KLF12: variants seen among roughly 807,000 people sequenced by gnomAD.
KLF12 encodes the protein Krueppel-like factor 12.
KLF12 carries 9 observed loss-of-function variants against 37.8 expected under a neutral mutation model. That is an observed-to-expected ratio of 0.24 (90% CI 0.14 to 0.42). The LOEUF (loss-of-function observed/expected upper bound fraction) is 0.42. Ranked by LOEUF, KLF12 falls within the 10% of genes least tolerant of loss-of-function variation. The pLI is 1.00. For synonymous variants in KLF12, 208 were observed against 202.1 expected (o/e 1.03, Z -0.25); for missense variants, 411 against 516.0 (o/e 0.80, Z 1.97).
At chr13:73,828,014 T>C (rs191484803) in intron 4 of KLF12, among the ~76,000 whole-genome samples, 2 of 152,224 alleles carry the variant, frequency 1.3e-5, no homozygotes, top group African/African-American at 4.8e-5. Context: ...ATGAGTCTTA[T>C]CAGCATAAGA....
chr13:74,302,967 T>A, the KLF12 span, among the ~76,000 whole-genome samples: 10 of 152,104 alleles, frequency 6.6e-5, no homozygotes, highest in Non-Finnish European at 1.0e-4. Flanking sequence ...CTCATTTTTT[T>A]AAACTCATTT....
chr13:73,866,238 G>C (rs1886170434), intron 3 of KLF12, among the ~76,000 whole-genome samples: 1 of 152,140 alleles, frequency 6.6e-6, no homozygotes, highest in African/African-American at 2.4e-5. Flanking sequence ...CTGGGCGACA[G>C]AGCAAGACTG....
chr13:74,208,599 T>G, the KLF12 span, among the ~76,000 whole-genome samples: 1 of 152,136 alleles, frequency 6.6e-6, no homozygotes. Context: ...TATTTTCCTA[T>G]CAAAATCAGT....
chr13:74,121,623 T>C (rs1877640276), intron 1 of KLF12, among the ~76,000 whole-genome samples: 1 of 152,026 alleles, frequency 6.6e-6, no homozygotes, highest in Non-Finnish European at 1.5e-5. Flanking sequence ...ATATAATGCA[T>C]TGCAAATAAC....
intron 1 of KLF12, among the ~76,000 whole-genome samples, chr13:74,124,838 A>G (rs1944618154): frequency 6.6e-6 from 1 of 152,196 alleles, no homozygotes; most frequent in African/African-American, 2.4e-5. Flanking sequence ...TTCATCCATT[A>G]GCAGGTTTGC....
chr13:73,814,550 G>A (rs1434399406), intron 4 of KLF12, among the ~76,000 whole-genome samples: 2 of 152,114 alleles, frequency 1.3e-5, no homozygotes, highest in Non-Finnish European at 2.9e-5. Context: ...AGTGAACCTC[G>A]TGTGCACCCG....
At chr13:73,881,668 T>C (rs1249180424) in intron 3 of KLF12, among the ~76,000 whole-genome samples, 1 of 152,210 alleles carries the variant, frequency 6.6e-6, no homozygotes, top group Non-Finnish European at 1.5e-5. Context: ...TGATTTTTTT[T>C]TCCTAAATAA....
chr13:73,815,961 C>A (rs1883193182), intron 4 of KLF12, among the ~76,000 whole-genome samples: 1 of 152,088 alleles, frequency 6.6e-6, no homozygotes. Flanking sequence ...AATATGATAT[C>A]TTTTTGATGT....
At chr13:74,020,038 C>G (rs913529487) in intron 1 of KLF12, among the ~76,000 whole-genome samples, 1 of 152,208 alleles carries the variant, frequency 6.6e-6, no homozygotes, top group Non-Finnish European at 1.5e-5. Flanking sequence ...AGAAGAAAAA[C>G]CCAGTCTGCC....
chr13:74,091,977 C>G (rs999175391), intron 1 of KLF12, among the ~76,000 whole-genome samples: 4 of 147,330 alleles, frequency 2.7e-5, no homozygotes, highest in African/African-American at 9.8e-5. Flanking sequence ...TAAAACTGCT[C>G]TAAAACAAAG....
At chr13:74,299,254 G>T in the KLF12 span, among the ~76,000 whole-genome samples, 7 of 152,174 alleles carry the variant, frequency 4.6e-5, no homozygotes, top group Admixed American at 2.0e-4. Flanking sequence ...AGTACAGAAA[G>T]AAATGCAGAC....
chr13:73,743,399 T>C (rs1878140415), intron 6 of KLF12, among the ~76,000 whole-genome samples: 1 of 152,236 alleles, frequency 6.6e-6, no homozygotes, highest in African/African-American at 2.4e-5. Flanking sequence ...TCTTCTTGTA[T>C]AGAGAGTCTA....
At chr13:73,875,386 C>T (rs1288427034) in intron 3 of KLF12, among the ~76,000 whole-genome samples, 1 of 152,100 alleles carries the variant, frequency 6.6e-6, no homozygotes, top group Non-Finnish European at 1.5e-5. Context: ...TCATGGGTAA[C>T]TTAGAAAAAT....
At chr13:74,039,737 A>G (rs574042541) in intron 1 of KLF12, among the ~76,000 whole-genome samples, 1 of 152,378 alleles carries the variant, frequency 6.6e-6, no homozygotes, top group South Asian at 2.1e-4. Flanking sequence ...TACAATTAGG[A>G]TAAAGATAGA....
intron 1 of KLF12, among the ~76,000 whole-genome samples, chr13:74,087,458 A>C (rs370171518): frequency 6.6e-6 from 1 of 152,104 alleles, no homozygotes; most frequent in Non-Finnish European, 1.5e-5. Context: ...GCAATCTCAC[A>C]ATAGCTCAGA....
At chr13:73,739,157 C>T (rs1877754476) in intron 6 of KLF12, among the ~76,000 whole-genome samples, 1 of 151,788 alleles carries the variant, frequency 6.6e-6, no homozygotes, top group South Asian at 2.1e-4. Flanking sequence ...TTGCTTGAAC[C>T]CACGAGGTGG....
At chr13:74,173,844 T>C in the KLF12 span, among the ~76,000 whole-genome samples, 1 of 152,232 alleles carries the variant, frequency 6.6e-6, no homozygotes, top group East Asian at 1.9e-4. Context: ...TAGTATTTTA[T>C]ATCCAGTTGG....
At chr13:73,755,121 C>T (rs1195551375) in intron 6 of KLF12, among the ~76,000 whole-genome samples, 2 of 152,016 alleles carry the variant, frequency 1.3e-5, no homozygotes, top group Admixed American at 6.6e-5. Context: ...AGATCTAAAG[C>T]GAAAAATAAT....
chr13:74,286,950 C>A, the KLF12 span, among the ~76,000 whole-genome samples: 59 of 152,320 alleles, frequency 3.9e-4, no homozygotes, highest in East Asian at 9.1e-3. Flanking sequence ...CTGTAGCTAT[C>A]ATTTTCATGT....
Sources: gnomAD v4.1 joint callset for allele counts (sites outside exome capture counted in the v4.1 genomes callset) on GRCh38, gnomAD v4.1.1 for gene constraint, MANE v1.5 for transcripts, NCBI Gene and HGNC (gene_info 2026-07-23, HGNC 2026-07-21) for gene names.